SEMA6A: variants seen among roughly 807,000 people sequenced by gnomAD.
SEMA6A encodes semaphorin-6A.
SEMA6A carries 25 observed loss-of-function variants against 96.8 expected under a neutral mutation model. The observed-to-expected ratio is 0.26, with a 90% CI of 0.19 to 0.36. The LOEUF (loss-of-function observed/expected upper bound fraction) is 0.36, where lower values mean the gene tolerates loss of function less well. SEMA6A is among the 10% of genes least tolerant of loss of function. The pLI, the probability that SEMA6A is intolerant of heterozygous loss-of-function variation, is 1.00. For missense variants in SEMA6A, 1,363 were observed against 1,323.1 expected, an observed-to-expected ratio of 1.03 and a Z score of -0.47; for synonymous variants, 612 against 518.0, an observed-to-expected ratio of 1.18 and a Z score of -2.46.
At chr5:116,568,014 G>A (rs994081264) in intron 1 of SEMA6A, among the ~76,000 whole-genome samples, 2 of 152,164 alleles carry the variant, frequency 1.3e-5, no homozygotes. Context: ...TGCTATCCAT[G>A]CTCTAGGTGA....
At chr5:116,533,441 A>G (rs1759573852) in intron 1 of SEMA6A, among the ~76,000 whole-genome samples, 1 of 152,138 alleles carries the variant, frequency 6.6e-6, no homozygotes, top group Admixed American at 6.5e-5. Flanking sequence ...AACTTTGACT[A>G]ACTAGAATAC....
intron 1 of SEMA6A, among the ~76,000 whole-genome samples, chr5:116,519,694 C>T (rs1229193170): frequency 7.2e-6 from 1 of 138,118 alleles, no homozygotes; most frequent in East Asian, 1.9e-4. Flanking sequence ...CACACACACG[C>T]ACACACATAC....
At chr5:116,458,100 T>TA (rs1470547017) in intron 18 of SEMA6A, among the ~76,000 whole-genome samples, 1 of 152,030 alleles carries the variant, frequency 6.6e-6, no homozygotes, top group Non-Finnish European at 1.5e-5. Context: ...ACAAGCCTTT[T>TA]AAAAAAAACT....
rs547713585 is a variant in SEMA6A, at chr5:116,504,651, CACA to C, written c.100+191_100+193del. On this transcript the variant is annotated intron_variant, in intron 2 of 18. Transcript: ENST00000343348. ...CGTTTCAAATCCTCACACGTGTCCC[CACA>C]ACAACATCTGATGGAGTTATAGAAA... Among the ~76,000 whole-genome samples, 41 of 152,320 alleles carry C rather than the reference CACA, an allele frequency of 2.7e-4. 1 individual carries two copies. The South Asian group carries it at 8.3e-3, about 31-fold the overall frequency.
chr5:116,516,490 GTT>G (rs200279582), intron 1 of SEMA6A, among the ~76,000 whole-genome samples: 1 of 150,692 alleles, frequency 6.6e-6, no homozygotes, highest in Admixed American at 6.6e-5. Context: ...GATATTTCAG[GTT>G]TTTTTTTCTG....
intron 1 of SEMA6A, among the ~76,000 whole-genome samples, chr5:116,531,401 G>T (rs764976840): frequency 6.6e-6 from 1 of 152,112 alleles, no homozygotes; most frequent in Non-Finnish European, 1.5e-5. Context: ...GGCACGTGGA[G>T]CCCTCTGGAT....
intron 18 of SEMA6A, among the ~76,000 whole-genome samples, chr5:116,448,127 T>C (rs1229174501): frequency 7.1e-6 from 1 of 141,806 alleles, no homozygotes. Flanking sequence ...AGGTCAGGAG[T>C]TGAAGACCAG....
rs1395272601 is a variant in SEMA6A, at chr5:116,446,054, A to G, written c.*559T>C. 1.3e-5 allele frequency: 2 copies of G among 152,726 alleles called. No homozygotes were observed. The highest frequency in any genetic ancestry group is 1.9e-4 in the East Asian group (1 of 5,204). 9.5% of individuals were successfully genotyped at this position (152,726 alleles called of 1,614,324 possible). ...GGCGGGCATTTCACAGTATTTGCGCATAGTAAACTTCTGCCATTGTTAAAG... is the reference window on the plus strand; with the variant it reads ...GGCGGGCATTTCACAGTATTTGCGCGTAGTAAACTTCTGCCATTGTTAAAG... On this transcript the variant is annotated 3_prime_UTR_variant, in exon 19 of 19. Coordinates refer to ENST00000343348, the MANE Select transcript of SEMA6A (RefSeq NM_020796.5).
At chr5:116,553,364 C>G (rs1202533977) in intron 1 of SEMA6A, among the ~76,000 whole-genome samples, 1 of 152,200 alleles carries the variant, frequency 6.6e-6, no homozygotes, top group Admixed American at 6.5e-5. Flanking sequence ...ACAACCACAG[C>G]TCTGGCGGCT....
At chr5:116,559,495 C>G (rs1333409643) in intron 1 of SEMA6A, among the ~76,000 whole-genome samples, 1 of 152,082 alleles carries the variant, frequency 6.6e-6, no homozygotes, top group African/African-American at 2.4e-5. Context: ...TTGGGGCTGA[C>G]GCCGTTTTAG....
intron 17 of SEMA6A, among the ~76,000 whole-genome samples, chr5:116,470,259 A>G (rs138693291): frequency 2.6e-3 from 397 of 152,300 alleles, no homozygotes; most frequent in Non-Finnish European, 4.5e-3. Context: ...TTAAGGTTGT[A>G]TTATTTTTGT....
intron 18 of SEMA6A, among the ~76,000 whole-genome samples, chr5:116,451,772 T>A (rs974989345): frequency 7.9e-5 from 12 of 152,126 alleles, no homozygotes; most frequent in African/African-American, 2.4e-4. Context: ...TCTCCAATCA[T>A]ATAAAAGAAT....
intron 10 of SEMA6A, 66 bp downstream of exon 10, chr5:116,486,678 TAGAAG>T: frequency 7.8e-7 from 1 of 1,275,352 alleles, no homozygotes; most frequent in Non-Finnish European, 1.1e-6. Context: ...TATGGTTTAT[TAGAAG>T]AGAACCCCCT....
chr5:116,478,778 G>A, intron 12 of SEMA6A, 60 bp from the exon 13 acceptor site: 1 of 1,525,074 alleles, frequency 6.6e-7, no homozygotes, highest in South Asian at 1.3e-5. Context: ...AGTGTTCCCT[G>A]TTCCACTTCA....
intron 1 of SEMA6A, among the ~76,000 whole-genome samples, chr5:116,552,499 T>C (rs254234): frequency 0.7 from 106,740 of 151,970 alleles, 38,215 homozygotes; most frequent in East Asian, 0.87. Context: ...AACTGATGAT[T>C]TGCTAATAAA....
intron 18 of SEMA6A, among the ~76,000 whole-genome samples, chr5:116,466,754 C>G (rs1402507282): frequency 1.3e-5 from 2 of 152,270 alleles, no homozygotes; most frequent in Middle Eastern, 3.4e-3. Flanking sequence ...GTAAACAATT[C>G]TGAATGGGGA....
At chr5:116,526,857 G>A (rs1255507153) in intron 1 of SEMA6A, among the ~76,000 whole-genome samples, 1 of 152,102 alleles carries the variant, frequency 6.6e-6, no homozygotes, top group African/African-American at 2.4e-5. Context: ...AATGTAAGAT[G>A]CTGGTATTCT....
chr5:116,460,016 C>T (rs529703210), intron 18 of SEMA6A, among the ~76,000 whole-genome samples: 7 of 151,546 alleles, frequency 4.6e-5, no homozygotes, highest in South Asian at 2.1e-4. Flanking sequence ...TTAGTGCTTT[C>T]GGAATTCCAG....
chr5:116,447,650 G>T lies in SEMA6A; in HGVS notation c.2056C>A (p.Arg686Ser). 6.2e-7 allele frequency: 1 copy of T among 1,614,022 alleles called. No homozygotes were observed. Among genetic ancestry groups the T allele is most frequent in the Non-Finnish European group, 8.5e-7 (1 of 1,179,896 alleles). The change falls in exon 19 of 19, where the codon CGC (arginine) becomes AGC (serine). Residue 686 changes from arginine (R) to serine (S), a missense_variant. This residue lies in a region of SEMA6A where 883 missense variants were observed against 763.6 expected (regional missense o/e 1.16). Transcript: ENST00000343348. Reference protein sequence around the residue: ...HRRKDVAVVQRKEKELTHSRR... With the variant: ...HRRKDVAVVQSKEKELTHSRR... ...GAGTGGGTGAGCTCCTTCTCCTTGC[G>T]CTGCACCACAGCCACGTCTTTGCGC...
Sources: gnomAD v4.1 joint callset for allele counts (sites outside exome capture counted in the v4.1 genomes callset) on GRCh38, gnomAD v4.1.1 for gene constraint, gnomAD v4.1.1 regional missense constraint, MANE v1.5 for transcripts, NCBI Gene and HGNC (gene_info 2026-07-23, HGNC 2026-07-21) for gene names.